Variants in NRP2 observed in about 807,000 individuals in gnomAD.
NRP2 encodes neuropilin 2.
In NRP2, 52 loss-of-function variants were observed where a neutral mutation model predicts 110.4. The observed-to-expected ratio is 0.47, with a 90% confidence interval of 0.38 to 0.59. The LOEUF (loss-of-function observed/expected upper bound fraction) is 0.59. Among genes scored for constraint, NRP2 ranks in the 20% least tolerant of loss-of-function variants. The pLI is 0.00. For missense variants in NRP2, 1,049 were observed against 1,203.0 expected, an observed-to-expected ratio of 0.87 and a Z score of 1.89; for synonymous variants, 508 against 468.9, an observed-to-expected ratio of 1.08 and a Z score of -1.08.
rs757670029 is a variant in NRP2 at position 205,795,097 on chromosome 2, C to A, written c.*39C>A. The A allele has an allele frequency of 1.3e-6, 2 of 1,577,506 alleles. No homozygotes were observed. The highest frequency in any genetic ancestry group is 2.2e-5 in the South Asian group (2 of 89,296). The stretch of plus-strand genomic sequence containing the variant: ...AATCCTATCTGACGTTTCATTCCAG[C>A]AAGAGGGGCTGGGGAAGATTACATT... On this transcript the variant is annotated 3_prime_UTR_variant, in exon 17 of 17. Coordinates refer to ENST00000357785, the MANE Select transcript of NRP2 (RefSeq NM_003872.3).
In NRP2 at chr2:205,686,020, C is replaced by A. The variant is rs371168014; in HGVS notation, c.73+2657C>A. Among the ~76,000 whole-genome samples the A allele has an allele frequency of 4.6e-5, 7 of 152,244 alleles. No homozygotes were observed. Among genetic ancestry groups the A allele is most frequent in the African/African-American group, 1.7e-4 (7 of 41,554 alleles). ...TGGTGGGGACGTGATAGCCCCTCAG[C>A]TCTCCTCCTAGCCCTCCCTCCCCTT... On this transcript the variant is annotated intron_variant, in intron 1 of 16. Transcript: ENST00000357785. The surrounding 1 kb of genome is among the most constrained non-coding windows in gnomAD (Gnocchi z 4.7).
At chr2:205,733,670 C>T (rs1256251625) in intron 7 of NRP2, among the ~76,000 whole-genome samples, 1 of 152,034 alleles carries the variant, frequency 6.6e-6, no homozygotes, top group Non-Finnish European at 1.5e-5. Context: ...GGAGGGCCCA[C>T]CCCACCCAGC....
chr2:205,743,694 G>A (rs1372409549), intron 9 of NRP2, 142 bp downstream of exon 9: 3 of 1,449,254 alleles, frequency 2.1e-6, no homozygotes, highest in Non-Finnish European at 2.7e-6. Flanking sequence ...TCGTTTGAGA[G>A]ATTACTTTGT....
intron 2 of NRP2, among the ~76,000 whole-genome samples, chr2:205,707,183 A>T (rs1269028685): frequency 6.6e-6 from 1 of 152,220 alleles, no homozygotes; most frequent in African/African-American, 2.4e-5. Context: ...CATTTCTGGG[A>T]TGGGGAGAGA....
intron 15 of NRP2, chr2:205,767,144 CCA>C (rs2057937169): frequency 6.3e-6 from 2 of 317,066 alleles, no homozygotes; most frequent in Non-Finnish European, 1.2e-5. Flanking sequence ...GAAGACTGAA[CCA>C]AAAAAAAAAA....
intron 1 of NRP2, 77 bp downstream of exon 1, chr2:205,683,440 C>A: frequency 9.8e-7 from 1 of 1,016,112 alleles, no homozygotes; most frequent in Non-Finnish European, 1.6e-6. Context: ...AGGAAGGCCA[C>A]GCAGAACGGC....
At chr2:205,740,790 G>A in intron 8 of NRP2, 127 bp downstream of exon 8, 1 of 1,041,900 alleles carries the variant, frequency 9.6e-7, no homozygotes, top group Non-Finnish European at 1.4e-6. Context: ...AAGGACTCAA[G>A]TCCTACCAGA....
At chr2:205,721,789 G>T (rs1412103220) in intron 3 of NRP2, among the ~76,000 whole-genome samples, 1 of 152,204 alleles carries the variant, frequency 6.6e-6, no homozygotes, top group Non-Finnish European at 1.5e-5. Flanking sequence ...ACTTGTTGCC[G>T]GAGCGGCCTT....
At chr2:205,697,064 A>G (rs1005361466) in intron 1 of NRP2, among the ~76,000 whole-genome samples, 2 of 152,136 alleles carry the variant, frequency 1.3e-5, no homozygotes. Flanking sequence ...TCGGCACCAC[A>G]AAACCACCAT....
intron 15 of NRP2, chr2:205,779,620 C>T (rs1416283490): frequency 6.6e-6 from 1 of 152,196 alleles, no homozygotes; most frequent in Non-Finnish European, 1.5e-5. Flanking sequence ...TTGCATTGCT[C>T]AGTTGCCTGT....
chr2:205,720,500 C>T (rs2056989570), intron 3 of NRP2, among the ~76,000 whole-genome samples: 1 of 152,124 alleles, frequency 6.6e-6, no homozygotes. Flanking sequence ...TTCCCCTTGC[C>T]TTCTAAGGGA....
chr2:205,756,459 G>A (rs528287352), intron 12 of NRP2: 7 of 152,286 alleles, frequency 4.6e-5, no homozygotes, highest in African/African-American at 1.7e-4. Flanking sequence ...TAAAGCTGCA[G>A]CATTGAATAT....
chr2:205,734,182 A>G (rs2057297178), intron 7 of NRP2, among the ~76,000 whole-genome samples: 1 of 151,906 alleles, frequency 6.6e-6, no homozygotes, highest in Non-Finnish European at 1.5e-5. Context: ...ATATATATAT[A>G]TATATACATA....
intron 1 of NRP2, among the ~76,000 whole-genome samples, chr2:205,684,629 A>G (rs1489743722): frequency 2.0e-5 from 3 of 152,148 alleles, no homozygotes; most frequent in African/African-American, 7.2e-5. Flanking sequence ...AAATTCAGGA[A>G]TGCCTTTGCC....
In NRP2 at chr2:205,743,215, C is replaced by T. The variant is rs1341854576; in HGVS notation, c.1304C>T (p.Ser435Phe). The T allele has an allele frequency of 6.2e-7, 1 of 1,612,802 alleles. No homozygotes were observed. The highest frequency in any genetic ancestry group is 1.3e-5 in the African/African-American group (1 of 75,058). The change falls in exon 9 of 17, where the codon TCC becomes TTC. Residue 435 changes from serine (S) to phenylalanine (F), a missense_variant. Ser to Phe is a radical substitution (Grantham distance 155). Transcript: ENST00000357785. ...FGCRVTDAPCSNMLGMLSGLI... is the reference protein window; with the variant it reads ...FGCRVTDAPCFNMLGMLSGLI... ...CTCCTCTCTGCAGATGCTCCCTGCT[C>T]CAACATGCTGGGGATGCTCTCAGGC... is the stretch of plus-strand genomic sequence containing the variant.
At chr2:205,699,266 T>C (rs759995237) in intron 2 of NRP2, among the ~76,000 whole-genome samples, 9 of 152,238 alleles carry the variant, frequency 5.9e-5, no homozygotes, top group Non-Finnish European at 1.2e-4. Context: ...TTATCAAAGA[T>C]TTCTGTTAGA....
intron 1 of NRP2, among the ~76,000 whole-genome samples, chr2:205,689,806 G>A: frequency 6.6e-6 from 1 of 152,012 alleles, no homozygotes; most frequent in African/African-American, 2.4e-5. Flanking sequence ...CGTGTTTAAG[G>A]CGCTCTCCCG....
chr2:205,791,842 G>A (rs1003106692), intron 15 of NRP2, among the ~76,000 whole-genome samples: 5 of 152,196 alleles, frequency 3.3e-5, no homozygotes, highest in African/African-American at 4.8e-5. Context: ...ACTGAGATGC[G>A]TGCCTATGAA....
At position 205,764,021 on chromosome 2, in the gene NRP2, A is replaced by G. The variant is rs941539987; in HGVS notation, c.2307+85A>G. 2.0e-6 allele frequency: 3 copies of G among 1,534,926 alleles called. No homozygotes were observed. The African/African-American group carries it at 4.1e-5, about 21-fold the overall frequency. On this transcript the variant is annotated intron_variant, in intron 13 of 16. Coordinates refer to ENST00000357785, the MANE Select transcript of NRP2 (RefSeq NM_003872.3). ...CATTCATCGTTAGGGAACGTGGTTA[A>G]GCGCTACTGTTTTCATTGTGTTTCT...
Sources: allele counts gnomAD v4.1 joint callset (sites outside exome capture counted in the v4.1 genomes callset), GRCh38; gene constraint gnomAD v4.1.1; non-coding constraint Gnocchi (gnomAD v3.1); transcripts MANE v1.5; gene names NCBI Gene and HGNC (gene_info 2026-07-23, HGNC 2026-07-21).